Variants in SLC35F1 observed in about 807,000 individuals in gnomAD.
SLC35F1 encodes the protein solute carrier family 35 member F1.
Under a neutral mutation model 48.7 loss-of-function variants are expected in SLC35F1, and 14 were observed. The ratio of observed to expected loss-of-function variants is 0.29; its 90% CI spans 0.19 to 0.45. The LOEUF (loss-of-function observed/expected upper bound fraction) is 0.45, where lower values mean the gene tolerates loss of function less well. Ranked by LOEUF, SLC35F1 falls within the 20% of genes least tolerant of loss-of-function variation. The pLI is 1.00. For synonymous variants in SLC35F1, 190 were observed against 202.2 expected, an observed-to-expected ratio of 0.94 and a Z score of 0.51; for missense variants, 404 against 500.0, an observed-to-expected ratio of 0.81 and a Z score of 1.83.
intron 1 of SLC35F1, among the ~76,000 whole-genome samples, chr6:118,000,519 T>C (rs541688294): frequency 8.0e-4 from 122 of 152,254 alleles, no homozygotes; most frequent in African/African-American, 2.7e-3. Context: ...ACTGGAAGCA[T>C]TCCCTTTGAA....
At chr6:118,061,981 G>T (rs1203556063) in intron 1 of SLC35F1, among the ~76,000 whole-genome samples, 1 of 152,104 alleles carries the variant, frequency 6.6e-6, no homozygotes, top group Non-Finnish European at 1.5e-5. Context: ...ACCGGTCTGA[G>T]AGTTGGCGAC....
Position 118,314,467 on chromosome 6 carries a change from G to A in SLC35F1, c.*215G>A, listed in dbSNP as rs983443629. 5 of 575,484 alleles carry A rather than the reference G, an allele frequency of 8.7e-6. 1 individual carries two copies. The highest frequency in any genetic ancestry group is 4.4e-5 in the South Asian group (2 of 45,482). The allele number at this position is 575,484 out of a possible 1,614,324, so 35.6% of individuals were successfully genotyped here. On this transcript the variant is annotated 3_prime_UTR_variant, in exon 8 of 8. Coordinates refer to ENST00000360388, the MANE Select transcript of SLC35F1 (RefSeq NM_001029858.4). ...TGACTTGGAAGGATGCCTAGCTAAC[G>A]TGTATCCTGATCACAACTCCCCTGC...
At chr6:118,203,424 G>C (rs1253245895) in intron 2 of SLC35F1, among the ~76,000 whole-genome samples, 2 of 152,202 alleles carry the variant, frequency 1.3e-5, no homozygotes, top group Non-Finnish European at 2.9e-5. Flanking sequence ...TACAATCTGA[G>C]GGCCACACAA....
chr6:118,176,566 A>G (rs1361010460), intron 2 of SLC35F1, among the ~76,000 whole-genome samples: 2 of 152,082 alleles, frequency 1.3e-5, no homozygotes, highest in Non-Finnish European at 2.9e-5. Context: ...TTGGGAATAT[A>G]TCTTTAAAAT....
intron 1 of SLC35F1, among the ~76,000 whole-genome samples, chr6:117,931,251 T>TA (rs1776098052): frequency 2.0e-5 from 3 of 152,158 alleles, no homozygotes; most frequent in Non-Finnish European, 4.4e-5. Flanking sequence ...GAAATATCTT[T>TA]TAAAAAACTA....
At chr6:118,129,049 A>C (rs932415495) in intron 1 of SLC35F1, among the ~76,000 whole-genome samples, 1 of 152,124 alleles carries the variant, frequency 6.6e-6, no homozygotes, top group Non-Finnish European at 1.5e-5. Context: ...CCCCTATGTG[A>C]GAGGCAAGGT....
intron 1 of SLC35F1, among the ~76,000 whole-genome samples, chr6:117,914,780 T>C (rs2114796128): frequency 6.6e-6 from 1 of 152,332 alleles, no homozygotes; most frequent in African/African-American, 2.4e-5. Context: ...GTTGTTTCAC[T>C]TTTAGGAAAA....
intron 2 of SLC35F1, among the ~76,000 whole-genome samples, chr6:118,156,726 A>G (rs764336464): frequency 3.5e-5 from 5 of 141,324 alleles, no homozygotes; most frequent in Non-Finnish European, 6.3e-5. Context: ...TGGTCCAGTA[A>G]GGCAGGACAA....
At chr6:118,076,383 T>C (rs182173425) in intron 1 of SLC35F1, among the ~76,000 whole-genome samples, 20 of 152,284 alleles carry the variant, frequency 1.3e-4, no homozygotes, top group African/African-American at 4.8e-4. Flanking sequence ...TACCTGAGAC[T>C]GCATAGTTTA....
chr6:117,950,058 C>A (rs540689962), intron 1 of SLC35F1, among the ~76,000 whole-genome samples: 1 of 152,236 alleles, frequency 6.6e-6, no homozygotes, highest in East Asian at 1.9e-4. Flanking sequence ...TCATTTGGGG[C>A]TTGATTCTAT....
chr6:118,276,034 T>C (rs1057367259), intron 5 of SLC35F1, among the ~76,000 whole-genome samples: 1 of 152,224 alleles, frequency 6.6e-6, no homozygotes. Flanking sequence ...CTTTTATAAA[T>C]GTGTGATTTT....
At chr6:118,313,358 G>A (rs550428347) in intron 7 of SLC35F1, among the ~76,000 whole-genome samples, 2 of 152,040 alleles carry the variant, frequency 1.3e-5, no homozygotes, top group African/African-American at 2.4e-5. Context: ...CCCTCTCCCC[G>A]CAAACTCTAT....
At chr6:118,287,802 A>G (rs1202899092) in intron 7 of SLC35F1, among the ~76,000 whole-genome samples, 2 of 152,142 alleles carry the variant, frequency 1.3e-5, no homozygotes, top group Non-Finnish European at 2.9e-5. Context: ...GAGAGGGCTG[A>G]TACGCTAATT....
chr6:118,168,645 C>T (rs1223369460), intron 2 of SLC35F1, among the ~76,000 whole-genome samples: 1 of 152,238 alleles, frequency 6.6e-6, no homozygotes, highest in Non-Finnish European at 1.5e-5. Context: ...TCTTCCTTTA[C>T]GAGCAGTTAT....
At chr6:117,924,071 A>G (rs1775985422) in intron 1 of SLC35F1, among the ~76,000 whole-genome samples, 1 of 150,268 alleles carries the variant, frequency 6.7e-6, no homozygotes, top group Admixed American at 6.6e-5. Flanking sequence ...ACATAGGTAC[A>G]CATGCATATG....
intron 4 of SLC35F1, among the ~76,000 whole-genome samples, chr6:118,271,992 TAGTA>T (rs1775857360): frequency 6.6e-6 from 1 of 152,142 alleles, no homozygotes; most frequent in Non-Finnish European, 1.5e-5. Context: ...ATTACACAGG[TAGTA>T]AGTGATAGAG....
At chr6:118,295,152 T>C (rs1776168360) in intron 7 of SLC35F1, among the ~76,000 whole-genome samples, 1 of 152,180 alleles carries the variant, frequency 6.6e-6, no homozygotes, top group Non-Finnish European at 1.5e-5. Context: ...CTTCTCTTAC[T>C]GTTTTGTTGT....
chr6:117,959,834 C>G (rs1776475389), intron 1 of SLC35F1, among the ~76,000 whole-genome samples: 1 of 152,144 alleles, frequency 6.6e-6, no homozygotes, highest in Admixed American at 6.5e-5. Flanking sequence ...ATGTGATAAA[C>G]AATTTCACAA....
intron 1 of SLC35F1, among the ~76,000 whole-genome samples, chr6:117,962,678 G>T (rs868358046): frequency 6.6e-6 from 1 of 152,192 alleles, no homozygotes; most frequent in African/African-American, 2.4e-5. Flanking sequence ...CTCCCCTGGA[G>T]GGCCTGCCAG....
Sources: gnomAD v4.1 joint callset for allele counts (sites outside exome capture counted in the v4.1 genomes callset) on GRCh38, gnomAD v4.1.1 for gene constraint, MANE v1.5 for transcripts, NCBI Gene and HGNC (gene_info 2026-07-23, HGNC 2026-07-21) for gene names.